The following TP63 variants were observed in gnomAD, a reference collection of about 807,000 sequenced individuals.
TP63 encodes tumor protein p63.
Under a neutral mutation model 82.8 loss-of-function variants are expected in TP63, and 17 were observed. That is an observed-to-expected ratio of 0.21 (90% CI 0.14 to 0.31). The LOEUF (loss-of-function observed/expected upper bound fraction) is 0.31, where lower values mean the gene tolerates loss of function less well. TP63 is among the 10% of genes least tolerant of loss of function. The probability of loss-of-function intolerance (pLI) is 1.00; values close to 1 mark genes in which losing one functional copy is unlikely to be tolerated. For missense variants in TP63, 648 were observed against 895.3 expected, an observed-to-expected ratio of 0.72 and a Z score of 3.52; for synonymous variants, 330 against 321.7, an observed-to-expected ratio of 1.03 and a Z score of -0.28.
At chr3:189,773,670 A>G (rs1723542876) in intron 3 of TP63, among the ~76,000 whole-genome samples, 1 of 152,178 alleles carries the variant, frequency 6.6e-6, no homozygotes, top group Non-Finnish European at 1.5e-5. Flanking sequence ...ATCACCAAAT[A>G]TAAATACCCA....
chr3:189,860,705 G>A (rs966449148), intron 4 of TP63, among the ~76,000 whole-genome samples: 1 of 152,260 alleles, frequency 6.6e-6, no homozygotes, highest in South Asian at 2.1e-4. Flanking sequence ...GGAAAATATG[G>A]TTTGCAGTAC....
At chr3:189,638,400 G>A (rs1711527502) in intron 1 of TP63, among the ~76,000 whole-genome samples, 1 of 152,084 alleles carries the variant, frequency 6.6e-6, no homozygotes, top group Non-Finnish European at 1.5e-5. Context: ...AAGGTACAAG[G>A]TGGGGCTGAA....
chr3:189,801,380 T>A (rs1726289822), intron 3 of TP63, among the ~76,000 whole-genome samples: 1 of 152,172 alleles, frequency 6.6e-6, no homozygotes, highest in African/African-American at 2.4e-5. Context: ...ATATTAAAAT[T>A]CTATCCTGCT....
chr3:189,840,220 G>A (rs1384125724), intron 4 of TP63, among the ~76,000 whole-genome samples: 1 of 151,940 alleles, frequency 6.6e-6, no homozygotes, highest in Non-Finnish European at 1.5e-5. Flanking sequence ...CATTGAAAGT[G>A]CAGATCCTAA....
At chr3:189,704,156 A>G (rs562291776) in intron 1 of TP63, among the ~76,000 whole-genome samples, 2 of 152,306 alleles carry the variant, frequency 1.3e-5, no homozygotes, top group African/African-American at 4.8e-5. Context: ...TAAGAGCTAC[A>G]ATGGTGGGAG....
chr3:189,708,864 G>T (rs779037588), intron 1 of TP63, among the ~76,000 whole-genome samples: 3 of 152,134 alleles, frequency 2.0e-5, no homozygotes, highest in Admixed American at 6.5e-5. Context: ...CCCATACATT[G>T]CTTCACGGCT....
At chr3:189,606,050 T>C in the TP63 span, among the ~76,000 whole-genome samples, 1 of 152,152 alleles carries the variant, frequency 6.6e-6, no homozygotes, top group African/African-American at 2.4e-5. Flanking sequence ...TTCCCTGTCA[T>C]CCAAGAGACA....
chr3:189,856,127 T>C (rs1040649099), intron 4 of TP63, among the ~76,000 whole-genome samples: 2 of 151,662 alleles, frequency 1.3e-5, no homozygotes. Flanking sequence ...GAAACCTACA[T>C]AGAGATATAA....
At chr3:189,652,184 A>G (rs1712951726) in intron 1 of TP63, among the ~76,000 whole-genome samples, 1 of 146,502 alleles carries the variant, frequency 6.8e-6, no homozygotes, top group Non-Finnish European at 1.5e-5. Context: ...TAGATAAACC[A>G]CAGACACTCA....
chr3:189,647,640 C>T (rs1016624646), intron 1 of TP63, among the ~76,000 whole-genome samples: 4 of 146,278 alleles, frequency 2.7e-5, no homozygotes, highest in Non-Finnish European at 6.0e-5. Context: ...TTTTCAGTTA[C>T]GTCATGCTAT....
chr3:189,735,846 C>CCT (rs141496990), intron 1 of TP63, among the ~76,000 whole-genome samples: 4 of 151,798 alleles, frequency 2.6e-5, no homozygotes, highest in South Asian at 2.1e-4. Context: ...AATACACACA[C>CCT]ATATATATAT....
intron 1 of TP63, among the ~76,000 whole-genome samples, chr3:189,648,460 A>G (rs929502104): frequency 2.7e-5 from 4 of 147,640 alleles, no homozygotes; most frequent in Non-Finnish European, 5.9e-5. Flanking sequence ...AGAGGTGCTC[A>G]GTCAATAACT....
At chr3:189,796,644 G>T (rs1438475913) in intron 3 of TP63, among the ~76,000 whole-genome samples, 4 of 151,934 alleles carry the variant, frequency 2.6e-5, no homozygotes, top group Non-Finnish European at 5.9e-5. Context: ...AAACAGTGAG[G>T]TTCCACTAAA....
chr3:189,862,695 GAAGTTCTTAACATGTCATAAAAC>G (rs1329994318), intron 4 of TP63, among the ~76,000 whole-genome samples: 1 of 152,174 alleles, frequency 6.6e-6, no homozygotes, highest in African/African-American at 2.4e-5. Context: ...TCAATAAAAG[GAAGTTCTTAACATGTCATAAAAC>G]AAGTTCTGTG....
intron 10 of TP63, chr3:189,880,751 A>G: frequency 1.0e-6 from 1 of 985,474 alleles, no homozygotes; most frequent in South Asian, 4.7e-5. Context: ...CGAGGTGATC[A>G]TTACCAAAAG....
intron 4 of TP63, among the ~76,000 whole-genome samples, chr3:189,843,941 A>C (rs1013000700): frequency 2.0e-5 from 3 of 152,170 alleles, no homozygotes; most frequent in Non-Finnish European, 4.4e-5. Context: ...GGTCCTAGTC[A>C]AAGGAAGGAT....
chr3:189,772,376 G>A (rs1489035336), intron 3 of TP63, among the ~76,000 whole-genome samples: 1 of 152,132 alleles, frequency 6.6e-6, no homozygotes, highest in East Asian at 1.9e-4. Context: ...CTAGAATCCA[G>A]GTCTCCTAAT....
chr3:189,871,716 GT>G (rs1220483188), intron 9 of TP63, among the ~76,000 whole-genome samples: 1 of 151,966 alleles, frequency 6.6e-6, no homozygotes, highest in African/African-American at 2.4e-5. Context: ...CGGCTCATCC[GT>G]TTTTTTGGTT....
At chr3:189,779,433 G>A (rs984221960) in intron 3 of TP63, among the ~76,000 whole-genome samples, 1 of 152,186 alleles carries the variant, frequency 6.6e-6, no homozygotes, top group Non-Finnish European at 1.5e-5. Flanking sequence ...TTAGTTCATT[G>A]TGTCTGTAAC....
Sources: allele counts gnomAD v4.1 joint callset (sites outside exome capture counted in the v4.1 genomes callset), GRCh38; gene constraint gnomAD v4.1.1; transcripts MANE v1.5; gene names NCBI Gene and HGNC (gene_info 2026-07-23, HGNC 2026-07-21).